The following DLGAP1 variants were observed in gnomAD, a reference collection of about 807,000 sequenced individuals.
DLGAP1 encodes DLG associated protein 1, also known as disks large-associated protein 1.
A neutral mutation model predicts 90.8 loss-of-function variants in DLGAP1; 11 were observed. That is an observed-to-expected ratio of 0.12 (90% CI 0.08 to 0.20). DLGAP1 has a LOEUF of 0.20. Ranked by LOEUF, DLGAP1 falls within the 10% of genes least tolerant of loss-of-function variation. The probability of loss-of-function intolerance (pLI) is 1.00; values close to 1 mark genes in which losing one functional copy is unlikely to be tolerated. For missense variants in DLGAP1, 1,050 were observed against 1,333.8 expected, an observed-to-expected ratio of 0.79 and a Z score of 3.31; for synonymous variants, 558 against 540.7, an observed-to-expected ratio of 1.03 and a Z score of -0.44.
chr18:4,317,327 C>G (rs1377195190), intron 1 of DLGAP1, among the ~76,000 whole-genome samples: 4 of 152,130 alleles, frequency 2.6e-5, no homozygotes, highest in African/African-American at 9.7e-5. Flanking sequence ...ATGATATGTT[C>G]TGCTCACTGA....
intron 9 of DLGAP1, among the ~76,000 whole-genome samples, chr18:3,547,281 AAT>A (rs1568171563): frequency 1.0e-4 from 15 of 146,730 alleles, no homozygotes; most frequent in African/African-American, 3.8e-4. Context: ...CAGCCTGGGC[AAT>A]AGAGCGAGAC....
At position 3,745,135 on chromosome 18, in the gene DLGAP1, C is replaced by T. The variant is rs555480428; in HGVS notation, c.1173-2623G>A. Reference sequence around the variant, plus strand: ...CATGAAATGTCCAGAATAGGCAAATCGCTAAAGATAGAAAGTAGGTGAGTG... The same window carrying T: ...CATGAAATGTCCAGAATAGGCAAATTGCTAAAGATAGAAAGTAGGTGAGTG... On this transcript the variant is annotated intron_variant, in intron 5 of 12. Coordinates refer to ENST00000315677, the MANE Select transcript of DLGAP1 (RefSeq NM_004746.4). Among the ~76,000 whole-genome samples the T allele has an allele frequency of 2.8e-3, 424 of 152,260 alleles. 2 individuals carry two copies. Among genetic ancestry groups the T allele is most frequent in the African/African-American group, 9.7e-3 (404 of 41,542 alleles).
chr18:4,381,713 C>G (rs1049791339), intron 1 of DLGAP1, among the ~76,000 whole-genome samples: 1 of 152,104 alleles, frequency 6.6e-6, no homozygotes, highest in Non-Finnish European at 1.5e-5. Context: ...TAAAACATCA[C>G]CATGTTTAGG....
At chr18:4,370,153 G>A (rs527337920) in intron 1 of DLGAP1, among the ~76,000 whole-genome samples, 48 of 152,272 alleles carry the variant, frequency 3.2e-4, no homozygotes, top group Middle Eastern at 3.4e-3. Context: ...AAAAAATTCA[G>A]GTCCTGCTGA....
At chr18:4,281,315 C>T (rs1184549675) in intron 1 of DLGAP1, among the ~76,000 whole-genome samples, 1 of 152,066 alleles carries the variant, frequency 6.6e-6, no homozygotes, top group Non-Finnish European at 1.5e-5. Flanking sequence ...CTTTGGGAGA[C>T]TGAGGTGGTT....
In DLGAP1 at chr18:3,991,922, T is replaced by C. The variant is rs140191895; in HGVS notation, c.-73+13194A>G. Among the ~76,000 whole-genome samples, 3 of 152,198 alleles carry C rather than the reference T, an allele frequency of 2.0e-5. No individual in the cohort carries two copies. In the South Asian group the frequency reaches 6.2e-4, roughly 32 times the overall value. Reference sequence around the variant, plus strand: ...AGACCACGGAAACATGGATTCTTTGTGATATTTTGAAAAATGACAAATTGA... The same window carrying C: ...AGACCACGGAAACATGGATTCTTTGCGATATTTTGAAAAATGACAAATTGA... On this transcript the variant is annotated intron_variant, in intron 3 of 12. Transcript: ENST00000315677.
At chr18:3,952,486 A>G (rs2073007694) in intron 3 of DLGAP1, among the ~76,000 whole-genome samples, 1 of 152,206 alleles carries the variant, frequency 6.6e-6, no homozygotes, top group African/African-American at 2.4e-5. Context: ...GCATCGGACC[A>G]CGGCAAAGGG....
chr18:4,070,846 AATCT>A (rs2143461122), intron 2 of DLGAP1, among the ~76,000 whole-genome samples: 2 of 152,264 alleles, frequency 1.3e-5, no homozygotes, highest in African/African-American at 4.8e-5. Flanking sequence ...GCCTCTCAGA[AATCT>A]ATCATATTCT....
intron 4 of DLGAP1, among the ~76,000 whole-genome samples, chr18:3,833,228 TCCTTCCTTCCTC>T (rs1206965372): frequency 2.5e-4 from 23 of 91,208 alleles, no homozygotes; most frequent in Non-Finnish European, 3.6e-4. Context: ...CTTCCTTCCT[TCCTTCCTTCCTC>T]CTTGTTTTTT....
Position 4,271,874 on chromosome 18 carries a change from T to C in DLGAP1, c.-266-120587A>G, listed in dbSNP as rs1345620633. Among the ~76,000 whole-genome samples, 3 of 152,244 alleles carry C rather than the reference T, an allele frequency of 2.0e-5. No homozygotes were observed. The East Asian group carries it at 5.8e-4, about 29-fold the overall frequency. ...AGACCTTAAAGCTTGAGGGAACAGG[T>C]AATCATGCTCATTAAATCAAGTACC... On this transcript the variant is annotated intron_variant, in intron 1 of 12. Transcript: ENST00000315677.
intron 1 of DLGAP1, among the ~76,000 whole-genome samples, chr18:4,395,702 G>A (rs539699254): frequency 9.9e-5 from 15 of 152,254 alleles, no homozygotes; most frequent in Admixed American, 3.3e-4. Context: ...GAATACAAGC[G>A]TTTATAACAG....
At chr18:3,726,369 AG>A (rs2062177902) in intron 7 of DLGAP1, among the ~76,000 whole-genome samples, 1 of 152,166 alleles carries the variant, frequency 6.6e-6, no homozygotes, top group South Asian at 2.1e-4. Flanking sequence ...CAATGTAAAA[AG>A]GAAACTACAG....
intron 1 of DLGAP1, among the ~76,000 whole-genome samples, chr18:4,276,160 AG>A (rs1368235049): frequency 2.4e-5 from 1 of 40,874 alleles, no homozygotes; most frequent in East Asian, 6.6e-4. Context: ...GGGGGGTGGG[AG>A]GGGGCTTGAT....
At chr18:4,022,104 G>C (rs1358757547) in intron 2 of DLGAP1, among the ~76,000 whole-genome samples, 1 of 152,136 alleles carries the variant, frequency 6.6e-6, no homozygotes, top group Non-Finnish European at 1.5e-5. Context: ...AACAGAGTTG[G>C]TGTTTTTATA....
intron 1 of DLGAP1, among the ~76,000 whole-genome samples, chr18:4,422,530 CAT>C (rs1179837697): frequency 6.6e-6 from 1 of 151,878 alleles, no homozygotes; most frequent in African/African-American, 2.4e-5. Flanking sequence ...TTGTTAAACA[CAT>C]ATTAATTTTT....
chr18:3,677,960 G>GTTTTTTTT (rs71160908), intron 7 of DLGAP1, among the ~76,000 whole-genome samples: 7 of 81,186 alleles, frequency 8.6e-5, no homozygotes, highest in African/African-American at 2.9e-4. Flanking sequence ...TGCCCGGTGG[G>GTTTTTTTT]TTTTTTTTTT....
At chr18:4,085,089 T>C (rs952063505) in intron 2 of DLGAP1, among the ~76,000 whole-genome samples, 4 of 152,148 alleles carry the variant, frequency 2.6e-5, no homozygotes, top group East Asian at 3.9e-4. Context: ...ATTTTATATA[T>C]ACCAAAAGAA....
At chr18:4,287,301 TC>T (rs1157545240) in intron 1 of DLGAP1, among the ~76,000 whole-genome samples, 95 of 152,192 alleles carry the variant, frequency 6.2e-4, no homozygotes, top group African/African-American at 2.2e-3. Flanking sequence ...GTGTGGTGAT[TC>T]CTCAAGGATC....
chr18:3,514,108 T>TA (rs1248844849), intron 10 of DLGAP1, among the ~76,000 whole-genome samples: 2 of 99,730 alleles, frequency 2.0e-5, no homozygotes. Context: ...TCTGACTGCT[T>TA]CTTTTTTTTT....
Sources: allele counts gnomAD v4.1 joint callset (sites outside exome capture counted in the v4.1 genomes callset), GRCh38; gene constraint gnomAD v4.1.1; transcripts MANE v1.5; gene names NCBI Gene and HGNC (gene_info 2026-07-23, HGNC 2026-07-21).